The following NBPF9 variants were observed in gnomAD, a reference collection of about 807,000 sequenced individuals.
NBPF9 encodes the protein NBPF family member NBPF9.
NBPF9 carries 91 observed loss-of-function variants against 97.8 expected under a neutral mutation model. The observed-to-expected ratio is 0.93, with a 90% CI of 0.79 to 1.11. NBPF9 has a LOEUF of 1.11. NBPF9 is among the 50% of genes least tolerant of loss of function. The pLI is 0.00. For synonymous variants in NBPF9, 334 were observed against 359.5 expected (o/e 0.93, Z 0.80); for missense variants, 992 against 939.5 (o/e 1.06, Z -0.73).
At chr1:149,089,961 G>A (rs2081310049) in intron 5 of NBPF9, among the ~76,000 whole-genome samples, 1 of 152,122 alleles carries the variant, frequency 6.6e-6, no homozygotes, top group African/African-American at 2.4e-5. Context: ...GCCACTGTCG[G>A]CTGCTCATTT....
chr1:149,087,330 T>TAC (rs1466803805), intron 5 of NBPF9, among the ~76,000 whole-genome samples: 57 of 148,028 alleles, frequency 3.9e-4, no homozygotes, highest in East Asian at 3.3e-3. Context: ...TATATATATA[T>TAC]ATACACACAC....
exon 30 of NBPF9, chr1:149,055,794 G>C: frequency 2.5e-6 from 4 of 1,611,278 alleles, no homozygotes; most frequent in Middle Eastern, 2.3e-4. Flanking sequence ...TGTAGTGCTG[G>C]AATGAGTCAG....
intron 17 of NBPF9, among the ~76,000 whole-genome samples, chr1:149,067,369 G>C (rs1404000741): frequency 2.8e-4 from 36 of 128,138 alleles, no homozygotes; most frequent in Non-Finnish European, 4.0e-4. Context: ...GTGCAGGTTA[G>C]TTACATATGT....
At chr1:149,062,447 G>A (rs1474367381) in intron 21 of NBPF9, among the ~76,000 whole-genome samples, 182 bp from the exon 22 acceptor site, 2 of 144,226 alleles carry the variant, frequency 1.4e-5, no homozygotes, top group African/African-American at 5.1e-5. Flanking sequence ...AAGAATGAAA[G>A]AGAAAGACAG....
exon 14 of NBPF9, chr1:149,072,812 C>T (rs587763002): frequency 1.7e-4 from 268 of 1,593,590 alleles, no homozygotes; most frequent in Admixed American, 1.3e-3. Flanking sequence ...CCGGCTCATC[C>T]GGAGTGAGGA....
At chr1:149,088,384 TTTA>T (rs1403053749) in intron 5 of NBPF9, among the ~76,000 whole-genome samples, 1 of 152,260 alleles carries the variant, frequency 6.6e-6, no homozygotes, top group Non-Finnish European at 1.5e-5. Flanking sequence ...TTTTCAATAC[TTTA>T]TTAATTTTTC....
chr1:149,078,550 T>G (rs2080110219), intron 9 of NBPF9, among the ~76,000 whole-genome samples: 2 of 121,484 alleles, frequency 1.6e-5, no homozygotes, highest in Admixed American at 8.7e-5. Flanking sequence ...GTTCCCATAT[T>G]TGGATGCTTC....
exon 30 of NBPF9, chr1:149,055,324 C>A (rs1360691965): frequency 3.3e-5 from 16 of 481,780 alleles, no homozygotes; most frequent in Non-Finnish European, 5.9e-5. Flanking sequence ...TGACCTTGAG[C>A]AGGTATAGAA....
chr1:149,062,586 G>A (rs1234158648), intron 21 of NBPF9, among the ~76,000 whole-genome samples: 1 of 138,908 alleles, frequency 7.2e-6, no homozygotes, highest in Non-Finnish European at 1.6e-5. Context: ...ATCATGAAAA[G>A]AGTGGGCTCA....
chr1:149,086,574 C>T (rs2081019770), intron 5 of NBPF9, among the ~76,000 whole-genome samples: 1 of 152,156 alleles, frequency 6.6e-6, no homozygotes, highest in African/African-American at 2.4e-5. Context: ...CTGAATTTAA[C>T]TGAGGTTCCA....
rs1348535594 is a variant in NBPF9, at chr1:149,063,905, A to G, written c.1854-100T>C. 4.5e-6 allele frequency: 3 copies of G among 664,078 alleles called. No homozygotes were observed. In the African/African-American group the frequency reaches 5.5e-5, roughly 12 times the overall value. The allele number at this position is 664,078 out of a possible 1,614,324, so 41.1% of individuals were successfully genotyped here. A position where few individuals can be genotyped will look rare whatever the true frequency, so the allele number is the denominator to read the frequency against. On this transcript the variant is annotated intron_variant, in intron 19 of 29. Transcript: ENST00000584027. ...CTAACATAAGGAAGAGTTTGAAAAGAAAAAGGACAGATCCATTAATGAGGT... is the reference window on the plus strand; with the variant it reads ...CTAACATAAGGAAGAGTTTGAAAAGGAAAAGGACAGATCCATTAATGAGGT...
exon 22 of NBPF9, chr1:149,062,196 C>T (rs782752529): frequency 1.2e-5 from 12 of 1,005,278 alleles, no homozygotes; most frequent in South Asian, 1.0e-4. Context: ...CTGAAGGAGT[C>T]GAATACCATC....
At chr1:149,097,858 C>T (rs1553245899) in intron 4 of NBPF9, among the ~76,000 whole-genome samples, 1 of 152,266 alleles carries the variant, frequency 6.6e-6, no homozygotes, top group East Asian at 1.9e-4. Context: ...TTCTAAGTCC[C>T]ACAGGATTCT....
At chr1:149,082,952 C>CTTATCT (rs2080622180) in intron 5 of NBPF9, among the ~76,000 whole-genome samples, 1 of 60,986 alleles carries the variant, frequency 1.6e-5, no homozygotes, top group African/African-American at 6.0e-5. Flanking sequence ...GCTAATTTTT[C>CTTATCT]TTTTCTTTTT....
chr1:149,068,533 C>T (rs1271183715), intron 17 of NBPF9, among the ~76,000 whole-genome samples: 2 of 151,162 alleles, frequency 1.3e-5, no homozygotes, highest in Admixed American at 6.6e-5. Flanking sequence ...ACAAAGAAGG[C>T]CACTACATAA....
At chr1:149,055,555 T>C in exon 30 of NBPF9, 2 of 1,565,682 alleles carry the variant, frequency 1.3e-6, no homozygotes, top group Non-Finnish European at 1.7e-6. Flanking sequence ...TGACCCATCC[T>C]ATGTCTGGGC....
chr1:149,089,181 G>A (rs1426192052), intron 5 of NBPF9, among the ~76,000 whole-genome samples: 19 of 152,292 alleles, frequency 1.2e-4, no homozygotes, highest in Non-Finnish European at 2.1e-4. Flanking sequence ...CCAGCCTGCA[G>A]AGGAGAGGTG....
At chr1:149,103,126 A>C in intron 1 of NBPF9, among the ~76,000 whole-genome samples, 175 bp downstream of exon 1, 1 of 151,760 alleles carries the variant, frequency 6.6e-6, no homozygotes, top group Non-Finnish European at 1.5e-5. Flanking sequence ...CAAGCGAGGA[A>C]TCGAACGCAT....
intron 17 of NBPF9, chr1:149,066,064 C>T (rs2079023776): frequency 2.8e-6 from 1 of 354,204 alleles, no homozygotes; most frequent in South Asian, 3.3e-5. Flanking sequence ...TGACGCAGTG[C>T]AGACACAGAT....
Sources: allele counts gnomAD v4.1 joint callset (sites outside exome capture counted in the v4.1 genomes callset), GRCh38; gene constraint gnomAD v4.1.1; transcripts MANE v1.5; gene names NCBI Gene and HGNC (gene_info 2026-07-23, HGNC 2026-07-21).